The following ZNF644 variants were observed in gnomAD, a reference collection of about 807,000 sequenced individuals.
ZNF644 encodes the protein zinc finger motif enhancer binding protein 2.
A neutral mutation model predicts 108.0 loss-of-function variants in ZNF644; 20 were observed. The ratio of observed to expected loss-of-function variants is 0.19; its 90% confidence interval spans 0.13 to 0.27. The LOEUF (loss-of-function observed/expected upper bound fraction) is 0.27, where lower values mean the gene tolerates loss of function less well. Among genes scored for constraint, ZNF644 ranks in the 10% least tolerant of loss-of-function variants. ZNF644 has a pLI of 1.00. For synonymous variants in ZNF644, 542 were observed against 539.1 expected (o/e 1.01, Z -0.08); for missense variants, 1,338 against 1,548.9 (o/e 0.86, Z 2.29).
intron 2 of ZNF644, among the ~76,000 whole-genome samples, chr1:90,975,916 T>C (rs371268359): frequency 1.3e-4 from 20 of 152,320 alleles, no homozygotes; most frequent in African/African-American, 4.6e-4. Flanking sequence ...ATGATGAGTA[T>C]GAAGGCTTTC....
At chr1:90,961,306 CTAATCTAATTTACT>C (rs1317441291) in intron 2 of ZNF644, among the ~76,000 whole-genome samples, 1 of 152,126 alleles carries the variant, frequency 6.6e-6, no homozygotes, top group Admixed American at 6.6e-5. Context: ...AATTATCAAT[CTAATCTAATTTACT>C]TAATTTATTA....
At chr1:90,951,758 C>T (rs1000449907) in intron 2 of ZNF644, among the ~76,000 whole-genome samples, 20 of 152,320 alleles carry the variant, frequency 1.3e-4, no homozygotes, top group South Asian at 2.1e-4. Flanking sequence ...GTAGTTTGTG[C>T]ATCCCTCCTC....
At chr1:90,997,908 G>A (rs773302293) in intron 1 of ZNF644, among the ~76,000 whole-genome samples, 24 of 152,224 alleles carry the variant, frequency 1.6e-4, no homozygotes, top group African/African-American at 2.7e-4. Context: ...TATCCCTCGC[G>A]TGGCTTGGAG....
chr1:90,967,316 CACTT>C (rs1286803842), intron 2 of ZNF644, among the ~76,000 whole-genome samples: 1 of 152,194 alleles, frequency 6.6e-6, no homozygotes, highest in Non-Finnish European at 1.5e-5. Flanking sequence ...CTCTTAAAGT[CACTT>C]ACTCTGTGAA....
intron 1 of ZNF644, among the ~76,000 whole-genome samples, chr1:90,995,170 GA>G (rs1658033456): frequency 6.6e-6 from 1 of 151,778 alleles, no homozygotes. Flanking sequence ...AGTATGTTAT[GA>G]AAATTAAAAG....
chr1:90,980,397 T>C (rs1020183795), intron 2 of ZNF644, among the ~76,000 whole-genome samples: 1 of 152,202 alleles, frequency 6.6e-6, no homozygotes, highest in Non-Finnish European at 1.5e-5. Context: ...ATTCATATAA[T>C]CCTCAGCATT....
At chr1:91,011,285 T>TTTA (rs1194064975) in intron 1 of ZNF644, among the ~76,000 whole-genome samples, 18 of 152,238 alleles carry the variant, frequency 1.2e-4, no homozygotes, top group East Asian at 1.9e-4. Flanking sequence ...ACAAAACTTC[T>TTTA]TTATATAGAG....
chr1:91,005,477 A>C (rs1442818538), intron 1 of ZNF644, among the ~76,000 whole-genome samples: 1 of 152,160 alleles, frequency 6.6e-6, no homozygotes, highest in Non-Finnish European at 1.5e-5. Context: ...AGAATACTCC[A>C]CCTAACAACA....
At chr1:90,980,172 T>C (rs1271420794) in intron 2 of ZNF644, among the ~76,000 whole-genome samples, 1 of 152,174 alleles carries the variant, frequency 6.6e-6, no homozygotes, top group Non-Finnish European at 1.5e-5. Context: ...GAGACATGGA[T>C]GGTATCTACC....
At chr1:90,955,484 T>G (rs1163750599) in intron 2 of ZNF644, among the ~76,000 whole-genome samples, 1 of 152,214 alleles carries the variant, frequency 6.6e-6, no homozygotes, top group Non-Finnish European at 1.5e-5. Flanking sequence ...GTAGCCATTC[T>G]CATGAATTGT....
At position 90,996,006 on chromosome 1, in the gene ZNF644, A is replaced by C. The variant is rs542879462; in HGVS notation, c.-17-13636T>G. ...TCTATAGTACTTGTTACAGTAGCCCAAACTAAGACACAGACACATAAATAC... is the reference window on the plus strand; with the variant it reads ...TCTATAGTACTTGTTACAGTAGCCCCAACTAAGACACAGACACATAAATAC... On this transcript the variant is annotated intron_variant, in intron 1 of 5. Coordinates refer to ENST00000337393, the MANE Select transcript of ZNF644 (RefSeq NM_201269.3). Among the ~76,000 whole-genome samples, 8 of 152,326 alleles carry C rather than the reference A, an allele frequency of 5.3e-5. No individual in the cohort carries two copies. The South Asian group carries it at 1.5e-3, about 28-fold the overall frequency.
At chr1:90,996,003 C>T (rs539512434) in intron 1 of ZNF644, among the ~76,000 whole-genome samples, 16 of 152,082 alleles carry the variant, frequency 1.1e-4, no homozygotes, top group Non-Finnish European at 1.6e-4. Context: ...GTTACAGTAG[C>T]CCAAACTAAG....
intron 2 of ZNF644, among the ~76,000 whole-genome samples, chr1:90,976,560 G>A (rs1018589540): frequency 2.6e-5 from 4 of 152,104 alleles, no homozygotes; most frequent in African/African-American, 9.7e-5. Context: ...GATATTTGCC[G>A]CTTAGCCTTT....
chr1:91,002,568 C>T (rs1381841234), intron 1 of ZNF644, among the ~76,000 whole-genome samples: 9 of 152,042 alleles, frequency 5.9e-5, no homozygotes, highest in Admixed American at 4.6e-4. Flanking sequence ...CCTAAAACCA[C>T]AAAAACCCTA....
chr1:90,957,067 C>G (rs1653824374), intron 2 of ZNF644, among the ~76,000 whole-genome samples: 1 of 151,942 alleles, frequency 6.6e-6, no homozygotes, highest in Non-Finnish European at 1.5e-5. Flanking sequence ...CAGAAAAATT[C>G]CTAGAAACAC....
intron 4 of ZNF644, among the ~76,000 whole-genome samples, chr1:90,922,810 C>T (rs562244043): frequency 2.0e-5 from 3 of 151,874 alleles, no homozygotes; most frequent in South Asian, 2.1e-4. Context: ...GTTGTTTAGC[C>T]CCTACTTATA....
intron 2 of ZNF644, among the ~76,000 whole-genome samples, chr1:90,945,472 C>G (rs1049546546): frequency 1.3e-5 from 2 of 152,060 alleles, no homozygotes; most frequent in African/African-American, 4.8e-5. Context: ...GATCTGTCTT[C>G]AAGATGACAG....
chr1:90,998,214 G>A (rs1193865758), intron 1 of ZNF644, among the ~76,000 whole-genome samples: 3 of 152,150 alleles, frequency 2.0e-5, no homozygotes, highest in African/African-American at 2.4e-5. Context: ...CTCCCAGGAC[G>A]GAGTCTGAGA....
In ZNF644 at chr1:91,011,290, ATAGAG is replaced by A. The variant is rs529410643; in HGVS notation, c.-18+10695_-18+10699del. ...ATTCCAAAAGACAAAACTTCTTTAT[ATAGAG>A]TAAATATTTTCATTTATAAACTCGA... On this transcript the variant is annotated intron_variant, in intron 1 of 5. Transcript: ENST00000337393. 3.3e-3 allele frequency among the ~76,000 whole-genome samples: 508 copies of A among 152,318 alleles called. 2 individuals are homozygous for A. Among genetic ancestry groups the A allele is most frequent in the African/African-American group, 0.011 (451 of 41,576 alleles).
Sources: allele counts gnomAD v4.1 joint callset (sites outside exome capture counted in the v4.1 genomes callset), GRCh38; gene constraint gnomAD v4.1.1; transcripts MANE v1.5; gene names NCBI Gene and HGNC (gene_info 2026-07-23, HGNC 2026-07-21).